ABCB10: variants seen among roughly 807,000 people sequenced by gnomAD.
The protein encoded by ABCB10 is ATP binding cassette subfamily B member 10, also known as ATP-binding cassette sub-family B member 10, mitochondrial.
In ABCB10, 54 loss-of-function variants were observed where a neutral mutation model predicts 65.4. That is an observed-to-expected ratio of 0.83 (90% CI 0.66 to 1.04). The LOEUF (loss-of-function observed/expected upper bound fraction) is 1.04. Among genes scored for constraint, ABCB10 ranks in the 50% least tolerant of loss-of-function variants. The probability of loss-of-function intolerance (pLI) is 0.00; values close to 1 mark genes in which losing one functional copy is unlikely to be tolerated. For synonymous variants in ABCB10, 418 were observed against 406.5 expected, an observed-to-expected ratio of 1.03 and a Z score of -0.34; for missense variants, 846 against 976.6, an observed-to-expected ratio of 0.87 and a Z score of 1.78.
intron 11 of ABCB10, among the ~76,000 whole-genome samples, chr1:229,519,713 C>T (rs1024886931): frequency 1.3e-5 from 2 of 152,158 alleles, no homozygotes; most frequent in South Asian, 2.1e-4. Context: ...CGCTTGAACT[C>T]GGGAAGTGGA....
intron 3 of ABCB10, among the ~76,000 whole-genome samples, chr1:229,543,784 G>A (rs146406973): frequency 2.6e-3 from 390 of 152,326 alleles, no homozygotes; most frequent in African/African-American, 9.1e-3. Context: ...CACCTTCACA[G>A]AGGAGCAAGC....
At chr1:229,542,458 T>A (rs1006103644) in intron 3 of ABCB10, 87 bp from the exon 4 acceptor site, 3 of 1,470,162 alleles carry the variant, frequency 2.0e-6, no homozygotes, top group African/African-American at 2.8e-5. Context: ...AGTGTGTGTG[T>A]GGGTGTGTCT....
rs765448204 is a variant in ABCB10, at chr1:229,521,643, A to C, written c.1907-8T>G. 29 of 1,613,006 alleles carry C rather than the reference A, an allele frequency of 1.8e-5. No homozygotes were observed. The highest frequency in any genetic ancestry group is 2.0e-5 in the Non-Finnish European group (24 of 1,179,460). ...TCCGCTGTTTCTGCCCACCTGACAA[A>C]GACAACATTTAAAAAAAGAAGGCCT... On this transcript the variant is annotated splice_polypyrimidine_tract_variant and splice_region_variant and intron_variant, in intron 10 of 12. Coordinates refer to ENST00000344517, the MANE Select transcript of ABCB10 (RefSeq NM_012089.3).
chr1:229,553,698 T>C (rs1161639371), intron 1 of ABCB10, among the ~76,000 whole-genome samples: 2 of 151,096 alleles, frequency 1.3e-5, no homozygotes, highest in South Asian at 4.2e-4. Context: ...GTTGAGTTGG[T>C]CAGCATTGGG....
chr1:229,547,375 C>T (rs1662994410), intron 3 of ABCB10, 124 bp downstream of exon 3: 2 of 1,103,852 alleles, frequency 1.8e-6, no homozygotes, highest in South Asian at 3.1e-5. Context: ...TGCAACAGCA[C>T]TTTTGGCTCT....
At chr1:229,557,403 C>A (rs1294697276) in intron 1 of ABCB10, among the ~76,000 whole-genome samples, 1 of 152,146 alleles carries the variant, frequency 6.6e-6, no homozygotes, top group African/African-American at 2.4e-5. Context: ...GAGGGCTCAA[C>A]AGATGTTTAT....
rs1663001207 is a variant in ABCB10, at chr1:229,547,628, G to T, written c.792C>A (p.Asp264Glu). 1 of 1,614,120 alleles carries T rather than the reference G, an allele frequency of 6.2e-7. No homozygotes were observed. Among genetic ancestry groups the T allele is most frequent in the South Asian group, 1.1e-5 (1 of 91,092 alleles). The change falls in exon 3 of 13, where the codon GAC (aspartate) becomes GAA (glutamate). Residue 264 changes from aspartate (D) to glutamate (E), a missense_variant. Transcript: ENST00000344517. ...SILRQEVAFF[D>E]KTRTGELINR... ...TAATCAATTCTCCTGTGCGAGTCTT[G>T]TCAAAGAAAGCAACCTCCTGCCTCA...
intron 1 of ABCB10, among the ~76,000 whole-genome samples, chr1:229,553,171 C>T (rs577145750): frequency 2.6e-5 from 4 of 151,924 alleles, no homozygotes; most frequent in East Asian, 1.9e-4. Context: ...AGTGCAATGG[C>T]GCAATCTCAG....
chr1:229,538,148 A>G (rs538250957), intron 6 of ABCB10, among the ~76,000 whole-genome samples: 4 of 152,346 alleles, frequency 2.6e-5, no homozygotes, highest in African/African-American at 9.6e-5. Flanking sequence ...AACTGACTAT[A>G]GCAATGGATT....
intron 1 of ABCB10, 138 bp downstream of exon 1, chr1:229,557,998 T>C: frequency 1.0e-6 from 1 of 963,524 alleles, no homozygotes; most frequent in Non-Finnish European, 1.3e-6. Flanking sequence ...CCCTCCCTCC[T>C]CCGGGGTTAG....
Position 229,516,798 on chromosome 1 carries a change from T to G in ABCB10, c.*1381A>C, listed in dbSNP as rs567493823. The stretch of plus-strand genomic sequence containing the variant: ...GAACACAAGTAGAGCTTGTTAAAAA[T>G]GATTGTCACAGATGTACTGTTTACT... On this transcript the variant is annotated 3_prime_UTR_variant, in exon 13 of 13. Transcript: ENST00000344517. The G allele has an allele frequency of 3.3e-4, 50 of 152,348 alleles. No individual in the cohort carries two copies. The highest frequency in any genetic ancestry group is 1.2e-3 in the African/African-American group (49 of 41,592). The allele number at this position is 152,348 out of a possible 1,614,324, so 9.4% of individuals were successfully genotyped here.
At chr1:229,521,481 A>G in intron 11 of ABCB10, 111 bp downstream of exon 11, 9 of 1,364,884 alleles carry the variant, frequency 6.6e-6, no homozygotes, top group Non-Finnish European at 9.1e-6. Flanking sequence ...AAGAAAAAAA[A>G]AAAAACAAAA....
chr1:229,558,535 G>C lies in ABCB10; in HGVS notation c.118C>G (p.Leu40Val), dbSNP rs1240493308. The change falls in exon 1 of 13, where the codon CTA becomes GTA. Residue 40 changes from leucine to valine, a missense_variant. By Grantham distance (32) the Leu-to-Val change is conservative. Coordinates refer to ENST00000344517, the MANE Select transcript of ABCB10 (RefSeq NM_012089.3). ...GGCCTCAGGCCAGTGAACGGCGATAGGGACCCGGGAACGCGGCTGGCCGCG... is the reference window on the plus strand; with the variant it reads ...GGCCTCAGGCCAGTGAACGGCGATACGGACCCGGGAACGCGGCTGGCCGCG... ...WAAASRVPGS[L>V]SPFTGLRPAR... is the part of the protein sequence containing the mutation. The C allele has an allele frequency of 2.1e-6, 3 of 1,437,612 alleles. No homozygotes were observed. The African/African-American group carries it at 4.5e-5, about 21-fold the overall frequency. 89.1% of individuals were successfully genotyped at this position (1,437,612 alleles called of 1,614,324 possible).
Position 229,530,211 on chromosome 1 carries a change from C to G in ABCB10, c.1633G>C (p.Asp545His), listed in dbSNP as rs35698797. Residue 545 changes from aspartate to histidine, a missense_variant, in exon 8 of 13, where the codon GAC (aspartate) becomes CAC (histidine). By Grantham distance (81) the Asp-to-His change is moderately conservative. Coordinates refer to ENST00000344517, the MANE Select transcript of ABCB10 (RefSeq NM_012089.3). Reference protein sequence around the residue: ...TVLSLLLRLYDPASGTISLDG... With the variant: ...TVLSLLLRLYHPASGTISLDG... ...GTGAACTGCTTACCAGAAGCAGGGT[C>G]GTACAACCTCAGCAGGAGTGAAAGC... 1.9e-6 allele frequency: 3 copies of G among 1,613,840 alleles called. No homozygotes were observed. The highest frequency in any genetic ancestry group is 1.7e-6 in the Non-Finnish European group (2 of 1,179,914).
chr1:229,547,015 T>C (rs541435263), intron 3 of ABCB10, among the ~76,000 whole-genome samples: 1 of 152,254 alleles, frequency 6.6e-6, no homozygotes, highest in South Asian at 2.1e-4. Flanking sequence ...CTGGGCTGAA[T>C]AGAAATACTG....
At chr1:229,549,585 C>T in intron 1 of ABCB10, 151 bp from the exon 2 acceptor site, 1 of 754,320 alleles carries the variant, frequency 1.3e-6, no homozygotes, top group East Asian at 2.8e-5. Flanking sequence ...TCCTCGATCT[C>T]TGACTCAAGG....
chr1:229,548,002 CT>C (rs398053891), intron 2 of ABCB10, among the ~76,000 whole-genome samples: 612 of 141,116 alleles, frequency 4.3e-3, no homozygotes, highest in Admixed American at 4.3e-3. Flanking sequence ...TTTATTTTTA[CT>C]TTTTTTTTTT....
At chr1:229,547,235 C>T (rs574711894) in intron 3 of ABCB10, among the ~76,000 whole-genome samples, 2 of 152,188 alleles carry the variant, frequency 1.3e-5, no homozygotes, top group African/African-American at 2.4e-5. Flanking sequence ...CCTTAATACC[C>T]CGGGTACACA....
chr1:229,536,798 C>G (rs1662730343), intron 6 of ABCB10, among the ~76,000 whole-genome samples: 1 of 151,474 alleles, frequency 6.6e-6, no homozygotes, highest in Non-Finnish European at 1.5e-5. Flanking sequence ...TCTACAAAAA[C>G]TACAAAAACT....
Sources: gnomAD v4.1 joint callset for allele counts (sites outside exome capture counted in the v4.1 genomes callset) on GRCh38, gnomAD v4.1.1 for gene constraint, MANE v1.5 for transcripts, NCBI Gene and HGNC (gene_info 2026-07-23, HGNC 2026-07-21) for gene names.